Variants in GPHN observed in about 807,000 individuals in gnomAD.
GPHN encodes gephyrin.
Under a neutral mutation model 95.5 loss-of-function variants are expected in GPHN, and 17 were observed. That is an observed-to-expected ratio of 0.18 (90% confidence interval 0.12 to 0.27). The LOEUF (loss-of-function observed/expected upper bound fraction) is 0.27. Among genes scored for constraint, GPHN ranks in the 10% least tolerant of loss-of-function variants. The pLI, the probability that GPHN is intolerant of heterozygous loss-of-function variation, is 1.00. For synonymous variants in GPHN, 320 were observed against 322.5 expected (o/e 0.99, Z 0.08); for missense variants, 660 against 978.1 (o/e 0.67, Z 4.34).
chr14:66,629,217 A>ATATAAATATG (rs1566729649), intron 1 of GPHN, among the ~76,000 whole-genome samples: 15 of 106,808 alleles, frequency 1.4e-4, no homozygotes, highest in African/African-American at 9.4e-4. Context: ...ATTTATATAC[A>ATATAAATATG]TATATAAATA....
At chr14:67,659,039 A>G in the GPHN span, among the ~76,000 whole-genome samples, 1 of 152,234 alleles carries the variant, frequency 6.6e-6, no homozygotes, top group Non-Finnish European at 1.5e-5. Context: ...CAAATGCAGC[A>G]CATTTAATCT....
chr14:66,684,658 G>T (rs138037730), intron 2 of GPHN, among the ~76,000 whole-genome samples: 1 of 152,210 alleles, frequency 6.6e-6, no homozygotes, highest in South Asian at 2.1e-4. Flanking sequence ...GCTATTGTGT[G>T]AACATGGCAG....
In GPHN at chr14:67,034,072, G is replaced by C. The variant is rs553016339; in HGVS notation, c.1006+10397G>C. ...CCTGGCTTACAAGAAATGCTAAAGA[G>C]AGTCCTGCAAGTTGACATGAAAGGA... On this transcript the variant is annotated intron_variant, in intron 10 of 22. Coordinates refer to ENST00000478722, the MANE Select transcript of GPHN (RefSeq NM_020806.5). Among the ~76,000 whole-genome samples, 3 of 152,262 alleles carry C rather than the reference G, an allele frequency of 2.0e-5. No homozygotes were observed. The South Asian group carries it at 6.2e-4, about 32-fold the overall frequency.
At chr14:67,487,298 C>T in the GPHN span, 2 of 152,590 alleles carry the variant, frequency 1.3e-5, no homozygotes, top group East Asian at 3.9e-4. Flanking sequence ...ACCAGGGCCC[C>T]TTCCCGGAAC....
the GPHN span, among the ~76,000 whole-genome samples, chr14:67,468,922 A>ATT: frequency 9.4e-5 from 14 of 149,134 alleles, no homozygotes; most frequent in East Asian, 3.9e-4. Flanking sequence ...TTTTTTTTAA[A>ATT]AAAAAAAGGG....
At chr14:67,428,008 G>GCCTC in the GPHN span, among the ~76,000 whole-genome samples, 1 of 151,030 alleles carries the variant, frequency 6.6e-6, no homozygotes, top group African/African-American at 2.4e-5. Context: ...TGCAACCTCT[G>GCCTC]CCTCCCGGGT....
chr14:67,660,097 T>C, the GPHN span: 1 of 623,110 alleles, frequency 1.6e-6, no homozygotes, highest in African/African-American at 1.9e-5. Flanking sequence ...CTGAATGCCT[T>C]GCATAGTGCC....
chr14:66,534,623 T>G (rs922374886), intron 1 of GPHN, among the ~76,000 whole-genome samples: 1 of 152,196 alleles, frequency 6.6e-6, no homozygotes, highest in African/African-American at 2.4e-5. Flanking sequence ...TGTTGGATGG[T>G]TGTCTTCCAA....
intron 1 of GPHN, among the ~76,000 whole-genome samples, chr14:66,671,558 T>A (rs1260301653): frequency 6.6e-6 from 1 of 152,192 alleles, no homozygotes; most frequent in East Asian, 1.9e-4. Flanking sequence ...ATATAATCAT[T>A]GTTTTGGCTT....
chr14:67,201,039 TAA>T, the GPHN span, among the ~76,000 whole-genome samples: 1 of 152,208 alleles, frequency 6.6e-6, no homozygotes, highest in Non-Finnish European at 1.5e-5. Context: ...CTCATGGCTA[TAA>T]TCCCAGTACT....
chr14:67,172,132 C>T (rs369372391), intron 21 of GPHN, among the ~76,000 whole-genome samples: 1 of 152,046 alleles, frequency 6.6e-6, no homozygotes, highest in Non-Finnish European at 1.5e-5. Context: ...GTCACAGCAC[C>T]CCTTCATCCC....
At chr14:67,577,063 C>T in the GPHN span, among the ~76,000 whole-genome samples, 1 of 152,210 alleles carries the variant, frequency 6.6e-6, no homozygotes, top group African/African-American at 2.4e-5. Context: ...CAGACACCCA[C>T]AACCTTGCAC....
intron 10 of GPHN, among the ~76,000 whole-genome samples, chr14:67,029,508 C>T (rs965945020): frequency 8.6e-5 from 13 of 151,820 alleles, no homozygotes; most frequent in Non-Finnish European, 1.5e-4. Context: ...CAGCTAATTT[C>T]GTATTTTTAG....
At chr14:67,589,289 AAACT>A in the GPHN span, 1 of 943,678 alleles carries the variant, frequency 1.1e-6, no homozygotes, top group Non-Finnish European at 1.3e-6. Flanking sequence ...TATACAGAAG[AAACT>A]AACTTAGAAA....
rs374975823 is a variant in GPHN, at chr14:66,721,086, T to C, written c.143+39901T>C. On this transcript the variant is annotated intron_variant, in intron 2 of 22. Coordinates refer to ENST00000478722, the MANE Select transcript of GPHN (RefSeq NM_020806.5). Reference sequence around the variant, plus strand: ...TTGGCTTGGCAATTTTATGAGCTCATCAGTTGCTTTATTAGAGTTGTGGAA... The same window carrying C: ...TTGGCTTGGCAATTTTATGAGCTCACCAGTTGCTTTATTAGAGTTGTGGAA... Among the ~76,000 whole-genome samples the C allele has an allele frequency of 2.6e-5, 4 of 152,328 alleles. No individual in the cohort carries two copies. The East Asian group carries it at 7.7e-4, about 29-fold the overall frequency.
the GPHN span, among the ~76,000 whole-genome samples, chr14:67,466,023 G>A: frequency 1.3e-5 from 2 of 152,152 alleles, no homozygotes; most frequent in Non-Finnish European, 2.9e-5. Context: ...GCCTTGATTT[G>A]ACTTCTGCCT....
chr14:67,336,691 A>G, the GPHN span: 1 of 455,798 alleles, frequency 2.2e-6, no homozygotes, highest in East Asian at 6.9e-5. Context: ...CAAAGTCTCA[A>G]TTTCCTCATC....
chr14:66,852,597 G>A (rs954484974), intron 4 of GPHN, among the ~76,000 whole-genome samples: 1 of 152,176 alleles, frequency 6.6e-6, no homozygotes, highest in East Asian at 1.9e-4. Context: ...GCATGCCTAA[G>A]GAGAATAAAG....
At chr14:67,722,716 T>A in the GPHN span, 6 of 1,612,274 alleles carry the variant, frequency 3.7e-6, no homozygotes, top group South Asian at 2.2e-5. Flanking sequence ...ATCAGGTTTG[T>A]CTTAATTCAG....
Sources: gnomAD v4.1 joint callset for allele counts (sites outside exome capture counted in the v4.1 genomes callset) on GRCh38, gnomAD v4.1.1 for gene constraint, MANE v1.5 for transcripts, NCBI Gene and HGNC (gene_info 2026-07-23, HGNC 2026-07-21) for gene names.